SP140L: variants seen among roughly 807,000 people sequenced by gnomAD.
SP140L encodes the protein SP140 like nuclear body protein.
In SP140L, 64 loss-of-function variants were observed where a neutral mutation model predicts 84.3. The ratio of observed to expected loss-of-function variants is 0.76; its 90% confidence interval spans 0.62 to 0.94. The LOEUF (loss-of-function observed/expected upper bound fraction) is 0.94. SP140L is among the 40% of genes least tolerant of loss of function. The probability of loss-of-function intolerance (pLI) is 0.00; values close to 1 mark genes in which losing one functional copy is unlikely to be tolerated. For synonymous variants in SP140L, 242 were observed against 236.9 expected (o/e 1.02, Z -0.20); for missense variants, 628 against 692.5 (o/e 0.91, Z 1.05).
intron 4 of SP140L, among the ~76,000 whole-genome samples, chr2:230,361,260 C>T (rs2060708426): frequency 6.6e-6 from 1 of 152,204 alleles, no homozygotes; most frequent in South Asian, 2.1e-4. Context: ...CCAGTTTTCT[C>T]TTTTATAATG....
intron 15 of SP140L, 74 bp from the exon 16 acceptor site, chr2:230,400,881 G>A (rs931250652): frequency 1.1e-5 from 14 of 1,271,346 alleles, no homozygotes; most frequent in African/African-American, 1.1e-4. Flanking sequence ...CCTGAAGGAA[G>A]ACAGTGGTAG....
chr2:230,400,169 G>C lies in SP140L; in HGVS notation c.1240G>C (p.Glu414Gln). The change falls in exon 15 of 19, where the codon GAG becomes CAG. Residue 414 changes from glutamate to glutamine, a missense_variant. Glu to Gln is a conservative substitution (Grantham distance 29, BLOSUM62 2). Coordinates refer to ENST00000415673, the MANE Select transcript of SP140L (RefSeq NM_138402.6). ...DECEVCRDGGELFCCDTCSRV... is the reference protein window; with the variant it reads ...DECEVCRDGGQLFCCDTCSRV... ...GTGTGAGGTGTGCCGGGACGGAGGG[G>C]AGCTGTTCTGTTGCGACACTTGTTC... 6.2e-7 allele frequency: 1 copy of C among 1,614,198 alleles called. No homozygotes were observed. Among genetic ancestry groups the C allele is most frequent in the East Asian group, 2.2e-5 (1 of 44,886 alleles).
At chr2:230,373,214 A>G (rs2061142536) in intron 7 of SP140L, among the ~76,000 whole-genome samples, 1 of 152,262 alleles carries the variant, frequency 6.6e-6, no homozygotes, top group East Asian at 1.9e-4. Flanking sequence ...CAGGTTGTCC[A>G]GAAGCTCTAG....
At chr2:230,374,231 G>A (rs2396747) in intron 7 of SP140L, among the ~76,000 whole-genome samples, 30,056 of 151,412 alleles carry the variant, frequency 0.2, 3,410 homozygotes, top group South Asian at 0.43. Context: ...CAGGAGAATC[G>A]CTTGAACCCG....
At chr2:230,365,525 T>TC (rs764916333) in intron 5 of SP140L, among the ~76,000 whole-genome samples, 8 of 152,052 alleles carry the variant, frequency 5.3e-5, no homozygotes, top group Non-Finnish European at 1.2e-4. Flanking sequence ...TTGAGTCTTT[T>TC]CTTTTTTTTT....
intron 11 of SP140L, among the ~76,000 whole-genome samples, chr2:230,390,937 C>T (rs1184241956): frequency 6.6e-6 from 1 of 152,182 alleles, no homozygotes; most frequent in Non-Finnish European, 1.5e-5. Flanking sequence ...CTATTTTCTG[C>T]TCTATAAATT....
rs1027474136 is a variant in SP140L at position 230,348,066 on chromosome 2, C to T, written c.108-9739C>T. On this transcript the variant is annotated intron_variant, in intron 2 of 18. Coordinates refer to ENST00000415673, the MANE Select transcript of SP140L (RefSeq NM_138402.6). The stretch of plus-strand genomic sequence containing the variant: ...TCCTAAGATGTAGCACAGAATGCTA[C>T]AGAAGCTGGATGTCCTCCTCAGGCT... 2.0e-5 allele frequency among the ~76,000 whole-genome samples: 3 copies of T among 152,218 alleles called. No individual in the cohort carries two copies. The South Asian group carries it at 6.2e-4, about 32-fold the overall frequency.
intron 1 of SP140L, among the ~76,000 whole-genome samples, chr2:230,328,338 G>A (rs2059636750): frequency 2.0e-5 from 3 of 152,046 alleles, no homozygotes; most frequent in South Asian, 2.1e-4. Context: ...CATATTTTTC[G>A]ATGCATTTAC....
At chr2:230,358,211 A>G (rs1029292420) in intron 3 of SP140L, among the ~76,000 whole-genome samples, 1 of 152,246 alleles carries the variant, frequency 6.6e-6, no homozygotes, top group African/African-American at 2.4e-5. Flanking sequence ...TTCATACACT[A>G]TAACATAAAC....
intron 15 of SP140L, 127 bp downstream of exon 15, chr2:230,400,369 C>A (rs1394433666): frequency 1.1e-6 from 1 of 903,914 alleles, no homozygotes; most frequent in Admixed American, 2.2e-5. Context: ...TACTGGGACC[C>A]AGCAGTGTGA....
chr2:230,332,943 T>C lies in SP140L; in HGVS notation c.107+4112T>C, dbSNP rs535035469. On this transcript the variant is annotated intron_variant, in intron 2 of 18. Coordinates refer to ENST00000415673, the MANE Select transcript of SP140L (RefSeq NM_138402.6). The stretch of plus-strand genomic sequence containing the variant: ...GATTACATGTATCTTCTTTCTTGCT[T>C]TACTATCTCATTTTGGCTTACCGCA... Among the ~76,000 whole-genome samples the C allele has an allele frequency of 2.6e-5, 4 of 152,356 alleles. No individual in the cohort carries two copies. In the East Asian group the frequency reaches 7.7e-4, roughly 29 times the overall value.
rs2062297701 is a variant in SP140L at position 230,400,803 on chromosome 2, C to G, written c.1314-152C>G. The G allele has an allele frequency of 2.6e-6, 4 of 1,549,378 alleles. No homozygotes were observed. In the South Asian group the frequency reaches 4.7e-5, roughly 18 times the overall value. On this transcript the variant is annotated intron_variant, in intron 15 of 18. Coordinates refer to ENST00000415673, the MANE Select transcript of SP140L (RefSeq NM_138402.6). ...AGGGAAAGGCCAGTGGCTGGAGACC[C>G]CATGTGCAGTTCTTGGATACTCTGG...
intron 5 of SP140L, among the ~76,000 whole-genome samples, chr2:230,366,678 C>G (rs59647249): frequency 0.098 from 14,252 of 145,022 alleles, 859 homozygotes; most frequent in Middle Eastern, 0.15. Context: ...CTATTTTGTT[C>G]ATTGTTTTCT....
chr2:230,329,270 A>G (rs961757167), intron 2 of SP140L, among the ~76,000 whole-genome samples: 1 of 152,206 alleles, frequency 6.6e-6, no homozygotes, highest in Middle Eastern at 3.4e-3. Flanking sequence ...CTTCTCTAAA[A>G]TCTCTGACAT....
At chr2:230,401,212 A>T in intron 16 of SP140L, 149 bp downstream of exon 16, 1 of 678,660 alleles carries the variant, frequency 1.5e-6, no homozygotes, top group Non-Finnish European at 2.5e-6. Flanking sequence ...CCTTGTTTGC[A>T]CAAAAAATAA....
intron 15 of SP140L, 61 bp downstream of exon 15, chr2:230,400,303 A>T: frequency 6.6e-7 from 1 of 1,516,862 alleles, no homozygotes. Flanking sequence ...TGCCATGCGC[A>T]CTCTCCAGCA....
rs1269522270 is a variant in SP140L, at chr2:230,371,651, A to G, written c.637A>G (p.Arg213Gly). 3 of 1,595,622 alleles carry G rather than the reference A, an allele frequency of 1.9e-6. No individual in the cohort carries two copies. Among genetic ancestry groups the G allele is most frequent in the South Asian group, 2.2e-5 (2 of 90,278 alleles). Residue 213 changes from arginine to glycine, a missense_variant and splice_region_variant, in exon 7 of 19, where the codon AGA becomes GGA. Physicochemically the swap from Arg to Gly is moderately radical, Grantham distance 125. Coordinates refer to ENST00000415673, the MANE Select transcript of SP140L (RefSeq NM_138402.6). The part of the protein sequence containing the change: ...STLGKPKRKR[R>G]KKKGHGWSRM... ...TTTGGGAAAACCCAAGAGGAAAAGA[A>G]GTAAGAATAAATAAGAATTTACTTG...
At position 230,371,581 on chromosome 2, in the gene SP140L, C is replaced by G; in HGVS notation, c.584-17C>G. 1 of 1,585,520 alleles carries G rather than the reference C, an allele frequency of 6.3e-7. No homozygotes were observed. Among genetic ancestry groups the G allele is most frequent in the Non-Finnish European group, 8.6e-7 (1 of 1,161,850 alleles). On this transcript the variant is annotated splice_polypyrimidine_tract_variant and intron_variant, in intron 6 of 18. Coordinates refer to ENST00000415673, the MANE Select transcript of SP140L (RefSeq NM_138402.6). ...TTATTAATTTCTGTTTCCTCACTAC[C>G]ACTTGTTATTTTCTAGATACTGTGG...
At chr2:230,351,120 A>G (rs2060351887) in intron 2 of SP140L, among the ~76,000 whole-genome samples, 1 of 152,204 alleles carries the variant, frequency 6.6e-6, no homozygotes, top group Admixed American at 6.5e-5. Flanking sequence ...TTATTTATAT[A>G]GGGTAGATTC....
Sources: allele counts gnomAD v4.1 joint callset (sites outside exome capture counted in the v4.1 genomes callset), GRCh38; gene constraint gnomAD v4.1.1; transcripts MANE v1.5; gene names NCBI Gene and HGNC (gene_info 2026-07-23, HGNC 2026-07-21).